The following UVRAG variants were observed in gnomAD, a reference collection of about 807,000 sequenced individuals.
UVRAG encodes the protein UV radiation resistance-associated gene protein.
Under a neutral mutation model 78.0 loss-of-function variants are expected in UVRAG, and 19 were observed. The ratio of observed to expected loss-of-function variants is 0.24; its 90% CI spans 0.17 to 0.36. The LOEUF is 0.36. Among genes scored for constraint, UVRAG ranks in the 10% least tolerant of loss-of-function variants. The pLI, the probability that UVRAG is intolerant of heterozygous loss-of-function variation, is 1.00. For missense variants in UVRAG, 740 were observed against 853.8 expected (o/e 0.87, Z 1.66); for synonymous variants, 323 against 324.6 (o/e 1.00, Z 0.05).
chr11:75,857,466 C>A (rs192577417), intron 2 of UVRAG, among the ~76,000 whole-genome samples: 24 of 152,192 alleles, frequency 1.6e-4, no homozygotes, highest in African/African-American at 5.1e-4. Flanking sequence ...AGTGCTTCCA[C>A]CTTCTTGCAG....
intron 12 of UVRAG, among the ~76,000 whole-genome samples, chr11:76,045,587 A>G (rs1321883357): frequency 1.3e-5 from 2 of 152,154 alleles, no homozygotes; most frequent in Admixed American, 6.5e-5. Context: ...TCCAAGAACA[A>G]AAACAAGATG....
intron 6 of UVRAG, 114 bp from the exon 7 acceptor site, chr11:75,961,330 C>T: frequency 1.3e-6 from 1 of 743,286 alleles, no homozygotes; most frequent in Non-Finnish European, 2.2e-6. Context: ...AATTAAAAAT[C>T]AATTGAGTTC....
At chr11:75,880,403 C>T (rs555710897) in intron 4 of UVRAG, among the ~76,000 whole-genome samples, 7 of 152,280 alleles carry the variant, frequency 4.6e-5, no homozygotes, top group African/African-American at 9.6e-5. Context: ...AGGAATATCA[C>T]GTTAAATACC....
intron 1 of UVRAG, among the ~76,000 whole-genome samples, chr11:75,819,075 T>G (rs1945329944): frequency 6.6e-6 from 1 of 152,210 alleles, no homozygotes; most frequent in African/African-American, 2.4e-5. Flanking sequence ...GTATTTTCAT[T>G]TTAGGATAGA....
chr11:75,873,289 T>C (rs184354308), intron 3 of UVRAG, among the ~76,000 whole-genome samples: 2 of 152,350 alleles, frequency 1.3e-5, no homozygotes, highest in Admixed American at 1.3e-4. Flanking sequence ...ATTTAATATT[T>C]TTGACCCCAA....
chr11:76,054,791 A>G (rs1353798603), intron 12 of UVRAG, among the ~76,000 whole-genome samples: 1 of 152,192 alleles, frequency 6.6e-6, no homozygotes, highest in East Asian at 1.9e-4. Flanking sequence ...GAAGACAGGA[A>G]CTTTTTTTGT....
chr11:76,023,255 G>T lies in UVRAG; in HGVS notation c.1226+6275G>T, dbSNP rs144551684. Among the ~76,000 whole-genome samples, 77 of 152,296 alleles carry T rather than the reference G, an allele frequency of 5.1e-4. 1 individual carries two copies. Among genetic ancestry groups the T allele is most frequent in the Middle Eastern group, 6.8e-3 (2 of 294 alleles). On this transcript the variant is annotated intron_variant, in intron 12 of 14. Coordinates refer to ENST00000356136, the MANE Select transcript of UVRAG (RefSeq NM_003369.4). Reference sequence around the variant, plus strand: ...CTTTCTGGTTGCACTAAGCCTAGCTGTCAGCCAGAGGGGAAAGTGTAGGCC... The same window carrying T: ...CTTTCTGGTTGCACTAAGCCTAGCTTTCAGCCAGAGGGGAAAGTGTAGGCC...
At position 76,115,960 on chromosome 11, in the gene UVRAG, C is replaced by G; in HGVS notation, c.1342C>G (p.Arg448Gly). The change falls in exon 14 of 15, where the codon CGG (arginine) becomes GGG (glycine). Residue 448 changes from arginine to glycine, a missense_variant. By Grantham distance (125) the Arg-to-Gly change is moderately radical (BLOSUM62 -2). Coordinates refer to ENST00000356136, the MANE Select transcript of UVRAG (RefSeq NM_003369.4). ...ACATGGACTAGGGACTCCAGACTTG[C>G]GGCAAACCCTTCCCAACCTGAAAAA... is the stretch of plus-strand genomic sequence containing the variant. ...YQHGLGTPDL[R>G]QTLPNLKNFM... 1 of 1,613,874 alleles carries G rather than the reference C, an allele frequency of 6.2e-7. No individual in the cohort carries two copies. The highest frequency in any genetic ancestry group is 8.5e-7 in the Non-Finnish European group (1 of 1,179,858).
chr11:75,935,461 A>G (rs773374080), intron 6 of UVRAG, among the ~76,000 whole-genome samples: 3 of 151,902 alleles, frequency 2.0e-5, no homozygotes, highest in Non-Finnish European at 2.9e-5. Flanking sequence ...AAAAAAGGCA[A>G]TCTGTCTCTC....
At chr11:75,855,755 T>A (rs1006682575) in intron 2 of UVRAG, among the ~76,000 whole-genome samples, 1 of 152,226 alleles carries the variant, frequency 6.6e-6, no homozygotes, top group South Asian at 2.1e-4. Context: ...TGCTGGTTTC[T>A]AAGTTTTTCT....
At chr11:75,943,034 C>G (rs879423807) in intron 6 of UVRAG, among the ~76,000 whole-genome samples, 38 of 152,074 alleles carry the variant, frequency 2.5e-4, no homozygotes, top group Non-Finnish European at 1.5e-4. Context: ...GCACTCCAAT[C>G]TGGGTGACAG....
intron 5 of UVRAG, among the ~76,000 whole-genome samples, chr11:75,908,114 C>T (rs568538028): frequency 8.5e-5 from 13 of 152,208 alleles, no homozygotes; most frequent in South Asian, 4.1e-4. Flanking sequence ...AGTTACCGTT[C>T]GACTTTCTGT....
chr11:75,951,671 C>T (rs916463246), intron 6 of UVRAG, among the ~76,000 whole-genome samples: 10 of 152,152 alleles, frequency 6.6e-5, no homozygotes, highest in African/African-American at 1.4e-4. Context: ...CGTGAACCAC[C>T]GCACCCAGCC....
At chr11:75,969,826 C>G (rs1949091069) in intron 7 of UVRAG, among the ~76,000 whole-genome samples, 1 of 152,084 alleles carries the variant, frequency 6.6e-6, no homozygotes, top group Non-Finnish European at 1.5e-5. Context: ...TCAACGAGGC[C>G]ATACCATGAT....
At chr11:76,087,559 A>G (rs1419571765) in intron 13 of UVRAG, among the ~76,000 whole-genome samples, 1 of 152,156 alleles carries the variant, frequency 6.6e-6, no homozygotes, top group Admixed American at 6.5e-5. Flanking sequence ...TGTAATATAG[A>G]TGGAATTCTC....
At chr11:76,096,076 C>T in intron 13 of UVRAG, among the ~76,000 whole-genome samples, 1 of 152,240 alleles carries the variant, frequency 6.6e-6, no homozygotes, top group Non-Finnish European at 1.5e-5. Context: ...ATTTGTGTAG[C>T]TTGTAGCCTG....
At chr11:75,857,121 A>G (rs1259865262) in intron 2 of UVRAG, among the ~76,000 whole-genome samples, 5 of 152,232 alleles carry the variant, frequency 3.3e-5, no homozygotes, top group Admixed American at 2.0e-4. Context: ...GACGTTTAAC[A>G]GGTTTGTCTG....
chr11:75,836,373 A>G (rs1056889795), intron 1 of UVRAG, among the ~76,000 whole-genome samples: 10 of 152,180 alleles, frequency 6.6e-5, no homozygotes, highest in Non-Finnish European at 5.9e-5. Context: ...AAGTAAAGGG[A>G]TTTACCCATG....
At chr11:76,030,518 T>C (rs1950416595) in intron 12 of UVRAG, among the ~76,000 whole-genome samples, 1 of 152,190 alleles carries the variant, frequency 6.6e-6, no homozygotes, top group African/African-American at 2.4e-5. Flanking sequence ...ATGCAGAGCA[T>C]TTTCAAACTA....
Sources: allele counts gnomAD v4.1 joint callset (sites outside exome capture counted in the v4.1 genomes callset), GRCh38; gene constraint gnomAD v4.1.1; transcripts MANE v1.5; gene names NCBI Gene and HGNC (gene_info 2026-07-23, HGNC 2026-07-21).